Variants in PDE4D observed in about 807,000 individuals in gnomAD.
PDE4D encodes the protein phosphodiesterase 4D, also known as 3',5'-cyclic-AMP phosphodiesterase 4D.
A neutral mutation model predicts 87.4 loss-of-function variants in PDE4D; 24 were observed. The observed-to-expected ratio is 0.27, with a 90% CI of 0.20 to 0.39. The LOEUF is 0.39. PDE4D is among the 10% of genes least tolerant of loss of function. The pLI is 1.00. For synonymous variants in PDE4D, 384 were observed against 383.2 expected (o/e 1.00, Z -0.02); for missense variants, 714 against 1,041.0 (o/e 0.69, Z 4.32).
At chr5:59,268,055 C>A (rs1763144106) in intron 1 of PDE4D, among the ~76,000 whole-genome samples, 1 of 151,992 alleles carries the variant, frequency 6.6e-6, no homozygotes. Context: ...GGAATTCTTC[C>A]ATATTGGTCT....
At position 59,364,713 on chromosome 5, in the gene PDE4D, T is replaced by C. The variant is rs1187241664; in HGVS notation, c.456-148745A>G. On this transcript the variant is annotated intron_variant, in intron 1 of 14. Transcript: ENST00000340635. ...GACCCTAACAAAAACACACAAAGCT[T>C]TGAAATAAACAGAGCTAAAAGATAT... 7.2e-5 allele frequency among the ~76,000 whole-genome samples: 11 copies of C among 152,290 alleles called. No homozygotes were observed. In the East Asian group the frequency reaches 2.1e-3, roughly 29 times the overall value.
chr5:59,154,565 T>C (rs1401653521), intron 5 of PDE4D, among the ~76,000 whole-genome samples: 1 of 152,076 alleles, frequency 6.6e-6, no homozygotes, highest in Admixed American at 6.6e-5. Flanking sequence ...ATGGATTTGA[T>C]CAATAGTTAT....
intron 3 of PDE4D, among the ~76,000 whole-genome samples, chr5:59,952,298 T>G (rs1423610595): frequency 1.3e-5 from 2 of 152,168 alleles, no homozygotes; most frequent in Non-Finnish European, 2.9e-5. Flanking sequence ...CAGGTATGTC[T>G]TTATAGCAGT....
chr5:59,283,374 C>T (rs1233113299), intron 1 of PDE4D, among the ~76,000 whole-genome samples: 1 of 152,122 alleles, frequency 6.6e-6, no homozygotes, highest in Non-Finnish European at 1.5e-5. Context: ...TTCTATTTTA[C>T]ACATCTAAGG....
chr5:59,914,863 A>G (rs1217855700), intron 3 of PDE4D, among the ~76,000 whole-genome samples: 5 of 68,994 alleles, frequency 7.2e-5, no homozygotes, highest in African/African-American at 1.0e-4. Context: ...ATTTACTGAT[A>G]GGGGTGTGTG....
intron 1 of PDE4D, among the ~76,000 whole-genome samples, chr5:60,342,655 T>C (rs1013800832): frequency 5.9e-5 from 9 of 151,754 alleles, no homozygotes; most frequent in African/African-American, 1.9e-4. Context: ...TTGAGATCAA[T>C]AAATGTTATT....
At chr5:59,667,764 C>T (rs568732421) in intron 1 of PDE4D, among the ~76,000 whole-genome samples, 15 of 152,256 alleles carry the variant, frequency 9.9e-5, no homozygotes, top group Admixed American at 6.5e-5. Context: ...CCACATTACC[C>T]CTTGCTGAGT....
chr5:59,123,674 G>A (rs1276321462), intron 5 of PDE4D, among the ~76,000 whole-genome samples: 2 of 152,232 alleles, frequency 1.3e-5, no homozygotes, highest in Admixed American at 6.5e-5. Flanking sequence ...TGCAGACACC[G>A]TGACATCTAA....
chr5:59,413,735 C>G (rs1793120317), intron 1 of PDE4D, among the ~76,000 whole-genome samples: 1 of 152,128 alleles, frequency 6.6e-6, no homozygotes, highest in South Asian at 2.1e-4. Context: ...TTTTTTGCTT[C>G]TATCACTTTA....
chr5:59,589,599 T>C (rs1304664937), intron 1 of PDE4D, among the ~76,000 whole-genome samples: 1 of 152,206 alleles, frequency 6.6e-6, no homozygotes, highest in Admixed American at 6.5e-5. Context: ...ATGAACATCA[T>C]TTATCTGACA....
rs183482883 is a variant in PDE4D, at chr5:59,845,332, G to C, written c.455+47836C>G. 3.7e-4 allele frequency among the ~76,000 whole-genome samples: 56 copies of C among 152,162 alleles called. No homozygotes were observed. The South Asian group carries it at 0.011, about 30-fold the overall frequency. On this transcript the variant is annotated intron_variant, in intron 1 of 14. Transcript: ENST00000340635. ...CTCAGCTTTCAGGTCTGAGCTGTGA[G>C]ATCACTTCCTTCAAGGAGCCATCCC...
chr5:59,725,781 G>T (rs1462508812), intron 1 of PDE4D, among the ~76,000 whole-genome samples: 1 of 151,814 alleles, frequency 6.6e-6, no homozygotes, highest in African/African-American at 2.4e-5. Flanking sequence ...AAATCCTAAG[G>T]GCTTTATTTA....
At chr5:60,239,923 T>G (rs1746887411) in intron 1 of PDE4D, among the ~76,000 whole-genome samples, 1 of 152,104 alleles carries the variant, frequency 6.6e-6, no homozygotes, top group Non-Finnish European at 1.5e-5. Flanking sequence ...TATTTATTTC[T>G]TTTACCTACA....
chr5:60,364,989 AC>A (rs1760397730), intron 1 of PDE4D, among the ~76,000 whole-genome samples: 1 of 152,182 alleles, frequency 6.6e-6, no homozygotes, highest in South Asian at 2.1e-4. Flanking sequence ...TTTTTAAATA[AC>A]CCACAACAAT....
At chr5:60,408,238 T>TA (rs1028736467) in intron 1 of PDE4D, among the ~76,000 whole-genome samples, 2 of 151,838 alleles carry the variant, frequency 1.3e-5, no homozygotes, top group Non-Finnish European at 1.5e-5. Context: ...TGCGTGAGCA[T>TA]AAAAAAAATG....
At chr5:59,978,185 T>C (rs1761532894) in intron 3 of PDE4D, among the ~76,000 whole-genome samples, 1 of 152,112 alleles carries the variant, frequency 6.6e-6, no homozygotes, top group South Asian at 2.1e-4. Context: ...ATTTAAGAAA[T>C]ACATTTCATA....
Position 58,974,681 on chromosome 5 carries a change from G to T in PDE4D, c.2413C>A (p.Arg805Ser). The change falls in exon 15 of 15, where the codon CGT becomes AGT. Residue 805 changes from arginine (R) to serine (S), a missense_variant. Physicochemically the swap from Arg to Ser is moderately radical, Grantham distance 110. This residue lies in a region of PDE4D where 90 missense variants were observed against 95.3 expected (regional missense o/e 0.94). Coordinates refer to ENST00000340635, the MANE Select transcript of PDE4D (RefSeq NM_001104631.2). ...TTGCACTGTTACGTGTCAGGAGAAC[G>T]ATCATCTATGACACAGGCTTCAGGC... ...SQPEACVIDDRSPDT is the reference protein window; with the variant it reads ...SQPEACVIDDSSPDT 6.4e-7 allele frequency: 1 copy of T among 1,571,298 alleles called. No homozygotes were observed. Among genetic ancestry groups the T allele is most frequent in the South Asian group, 1.2e-5 (1 of 86,622 alleles).
At chr5:59,116,314 T>C (rs528995103) in intron 5 of PDE4D, among the ~76,000 whole-genome samples, 1 of 152,216 alleles carries the variant, frequency 6.6e-6, no homozygotes, top group African/African-American at 2.4e-5. Flanking sequence ...TCTATGTATA[T>C]GCTACATGTA....
chr5:59,316,303 T>C (rs1773719303), intron 1 of PDE4D, among the ~76,000 whole-genome samples: 2 of 152,190 alleles, frequency 1.3e-5, no homozygotes, highest in Non-Finnish European at 2.9e-5. Flanking sequence ...ATGTTTATGA[T>C]CATGAAAACT....
Sources: allele counts gnomAD v4.1 joint callset (sites outside exome capture counted in the v4.1 genomes callset), GRCh38; gene constraint gnomAD v4.1.1; regional missense constraint gnomAD v4.1.1; transcripts MANE v1.5; gene names NCBI Gene and HGNC (gene_info 2026-07-23, HGNC 2026-07-21).